The following GRIA4 variants were observed in gnomAD, a reference collection of about 807,000 sequenced individuals.
GRIA4 encodes the protein glutamate ionotropic receptor AMPA type subunit 4, also known as glutamate receptor 4.
GRIA4 carries 34 observed loss-of-function variants against 104.0 expected under a neutral mutation model. That is an observed-to-expected ratio of 0.33 (90% CI 0.25 to 0.44). The LOEUF (loss-of-function observed/expected upper bound fraction) is 0.44. Among genes scored for constraint, GRIA4 ranks in the 20% least tolerant of loss-of-function variants. GRIA4 has a pLI of 1.00. For missense variants in GRIA4, 750 were observed against 1,096.5 expected, an observed-to-expected ratio of 0.68 and a Z score of 4.46; for synonymous variants, 386 against 381.9, an observed-to-expected ratio of 1.01 and a Z score of -0.13.
intron 3 of GRIA4, among the ~76,000 whole-genome samples, chr11:105,738,413 G>A (rs1260614345): frequency 1.3e-5 from 2 of 152,070 alleles, no homozygotes; most frequent in Non-Finnish European, 2.9e-5. Context: ...ATAAAGAATG[G>A]TAATTAAAGC....
chr11:105,946,126 T>C (rs902928214), intron 14 of GRIA4, among the ~76,000 whole-genome samples: 6 of 152,204 alleles, frequency 3.9e-5, no homozygotes, highest in African/African-American at 1.4e-4. Flanking sequence ...TCCATGCTTA[T>C]ACACCCTCTT....
intron 5 of GRIA4, among the ~76,000 whole-genome samples, chr11:105,870,071 A>T (rs1945559021): frequency 6.6e-6 from 1 of 151,936 alleles, no homozygotes; most frequent in South Asian, 2.1e-4. Flanking sequence ...GAGTTCTATT[A>T]TTCATCCAAA....
chr11:105,677,054 A>G (rs1397061777), intron 3 of GRIA4, among the ~76,000 whole-genome samples: 1 of 151,954 alleles, frequency 6.6e-6, no homozygotes. Flanking sequence ...GTACAAAAGT[A>G]GCCCTATATA....
chr11:105,849,986 T>C (rs1387833156), intron 4 of GRIA4, among the ~76,000 whole-genome samples: 1 of 152,204 alleles, frequency 6.6e-6, no homozygotes, highest in African/African-American at 2.4e-5. Flanking sequence ...TTTGCCCAAA[T>C]ATGTATAACA....
intron 6 of GRIA4, among the ~76,000 whole-genome samples, chr11:105,889,961 C>G (rs1184616944): frequency 6.6e-6 from 1 of 151,978 alleles, no homozygotes; most frequent in African/African-American, 2.4e-5. Flanking sequence ...ATACTTAAAC[C>G]AACTCATCAA....
chr11:105,946,831 G>T (rs1948326381), intron 14 of GRIA4, among the ~76,000 whole-genome samples: 1 of 152,018 alleles, frequency 6.6e-6, no homozygotes, highest in Non-Finnish European at 1.5e-5. Context: ...ATTTTAGGAA[G>T]GGAGAAAAAA....
chr11:105,762,046 C>T (rs572678965), intron 4 of GRIA4, among the ~76,000 whole-genome samples: 4 of 145,570 alleles, frequency 2.7e-5, no homozygotes, highest in African/African-American at 7.6e-5. Context: ...TTTTTTGAGA[C>T]GGAGTCTCAC....
At chr11:105,751,053 T>C (rs1418578684) in intron 3 of GRIA4, among the ~76,000 whole-genome samples, 1 of 152,178 alleles carries the variant, frequency 6.6e-6, no homozygotes, top group Non-Finnish European at 1.5e-5. Flanking sequence ...GACTTGTAAA[T>C]CCTGTTTGTT....
intron 4 of GRIA4, among the ~76,000 whole-genome samples, chr11:105,759,579 T>C (rs1207685661): frequency 1.3e-5 from 2 of 152,178 alleles, no homozygotes; most frequent in Non-Finnish European, 2.9e-5. Context: ...GTCTCCTGAT[T>C]GTTTCTTCCA....
At chr11:105,665,029 G>A (rs1398474175) in intron 3 of GRIA4, among the ~76,000 whole-genome samples, 1 of 151,936 alleles carries the variant, frequency 6.6e-6, no homozygotes, top group Non-Finnish European at 1.5e-5. Flanking sequence ...AATTCTAAAT[G>A]AATTAATTTG....
chr11:105,934,440 TGGAGATTATCTTGAG>T (rs1947973951), intron 14 of GRIA4, among the ~76,000 whole-genome samples: 2 of 152,166 alleles, frequency 1.3e-5, no homozygotes, highest in South Asian at 4.1e-4. Flanking sequence ...ATCTTTCTAT[TGGAGATTATCTTGAG>T]GTTGTATTCA....
chr11:105,981,552 A>AACACACACACACACAC lies in GRIA4; in HGVS notation c.*1813_*1814insACACACACACACACAC. Reference sequence around the variant, plus strand: ...GTAAGAGCAATCTTAAACAGTATAAATCACACACACACACACACACACACA... The same window carrying AACACACACACACACAC: ...GTAAGAGCAATCTTAAACAGTATAAAACACACACACACACACTCACACACACACACACACACACACA... On this transcript the variant is annotated 3_prime_UTR_variant, in exon 17 of 17. Coordinates refer to ENST00000282499, the MANE Select transcript of GRIA4 (RefSeq NM_000829.4). The AACACACACACACACAC allele has an allele frequency of 4.7e-5, 1 of 21,468 alleles. No individual in the cohort carries two copies. The highest frequency in any genetic ancestry group is 5.5e-4 in the Admixed American group (1 of 1,828). The allele number at this position is 21,468 out of a possible 1,614,324, so 1.3% of individuals were successfully genotyped here.
intron 3 of GRIA4, among the ~76,000 whole-genome samples, chr11:105,715,153 T>C (rs553930483): frequency 2.6e-5 from 4 of 152,320 alleles, no homozygotes; most frequent in African/African-American, 7.2e-5. Context: ...CAATCACTTA[T>C]TTGCTACATG....
intron 3 of GRIA4, among the ~76,000 whole-genome samples, chr11:105,630,729 T>C (rs907388914): frequency 8.5e-5 from 13 of 152,126 alleles, no homozygotes; most frequent in African/African-American, 3.1e-4. Flanking sequence ...ATTTTAAAAA[T>C]TAATTAAAAA....
intron 3 of GRIA4, among the ~76,000 whole-genome samples, chr11:105,669,181 T>C (rs1405983961): frequency 6.6e-6 from 1 of 151,994 alleles, no homozygotes; most frequent in Non-Finnish European, 1.5e-5. Flanking sequence ...TTTTCTGCTC[T>C]TACAACTTCT....
At chr11:105,667,814 G>T (rs1305725497) in intron 3 of GRIA4, among the ~76,000 whole-genome samples, 1 of 151,826 alleles carries the variant, frequency 6.6e-6, no homozygotes, top group Admixed American at 6.6e-5. Context: ...TCTCATAGTT[G>T]TCATTTTCTT....
In GRIA4 at chr11:105,634,497, GA is replaced by G. The variant is rs1235879274; in HGVS notation, c.247+22066del. Among the ~76,000 whole-genome samples the G allele has an allele frequency of 7.1e-3, 479 of 67,512 alleles. 2 individuals carry two copies. Among genetic ancestry groups the G allele is most frequent in the African/African-American group, 0.019 (427 of 23,032 alleles). 44.3% of individuals were successfully genotyped at this position (67,512 alleles called of 152,430 possible). On this transcript the variant is annotated intron_variant, in intron 3 of 16. Coordinates refer to ENST00000282499, the MANE Select transcript of GRIA4 (RefSeq NM_000829.4). ...AGAAAGAAAGAAAGAAAGAAAGAAA[GA>G]AAGAAAGAAAGAAAGAAGAAAGAAA...
intron 4 of GRIA4, among the ~76,000 whole-genome samples, chr11:105,851,766 C>T (rs377619381): frequency 6.6e-6 from 1 of 152,172 alleles, no homozygotes; most frequent in Admixed American, 6.6e-5. Context: ...GGAAGATAAA[C>T]ATCCATCCCT....
chr11:105,703,269 C>T (rs1386215895), intron 3 of GRIA4, among the ~76,000 whole-genome samples: 2 of 152,036 alleles, frequency 1.3e-5, no homozygotes, highest in Non-Finnish European at 2.9e-5. Flanking sequence ...ATAAATAATT[C>T]AAAAACTTAA....
Sources: gnomAD v4.1 joint callset for allele counts (sites outside exome capture counted in the v4.1 genomes callset) on GRCh38, gnomAD v4.1.1 for gene constraint, MANE v1.5 for transcripts, NCBI Gene and HGNC (gene_info 2026-07-23, HGNC 2026-07-21) for gene names.